VTI1A: variants seen among roughly 807,000 people sequenced by gnomAD.
VTI1A encodes vesicle transport through interaction with t-SNAREs homolog 1A.
VTI1A carries 22 observed loss-of-function variants against 34.9 expected under a neutral mutation model. The observed-to-expected ratio is 0.63, with a 90% CI of 0.45 to 0.90. The LOEUF is 0.90. Ranked by LOEUF, VTI1A falls within the 40% of genes least tolerant of loss-of-function variation. The probability of loss-of-function intolerance (pLI) is 0.00; values close to 1 mark genes in which losing one functional copy is unlikely to be tolerated. For synonymous variants in VTI1A, 87 were observed against 97.3 expected (o/e 0.89, Z 0.62); for missense variants, 268 against 275.6 (o/e 0.97, Z 0.20).
chr10:112,520,216 GACA>G lies in VTI1A; in HGVS notation c.265-6864_265-6862del, dbSNP rs1368509093. Among the ~76,000 whole-genome samples, 14 of 152,128 alleles carry G rather than the reference GACA, an allele frequency of 9.2e-5. No individual in the cohort carries two copies. In the Middle Eastern group the frequency reaches 0.01, roughly 111 times the overall value. ...GCATACTTACACTATTCCAGATGCT[GACA>G]ACAACATCTGGGCATTCTATCATGA... On this transcript the variant is annotated intron_variant, in intron 3 of 7. Transcript: ENST00000393077.
intron 5 of VTI1A, among the ~76,000 whole-genome samples, chr10:112,641,860 T>A (rs1266382162): frequency 6.6e-6 from 1 of 152,158 alleles, no homozygotes; most frequent in Non-Finnish European, 1.5e-5. Context: ...ACTCCTGCAC[T>A]TGCGCTTGTC....
chr10:112,778,077 G>A (rs1852003812), intron 7 of VTI1A, among the ~76,000 whole-genome samples: 1 of 152,072 alleles, frequency 6.6e-6, no homozygotes, highest in East Asian at 1.9e-4. Flanking sequence ...ACTCCACCCT[G>A]GGCAACAAGA....
chr10:112,684,037 C>T (rs141598646), intron 7 of VTI1A, among the ~76,000 whole-genome samples: 7 of 147,706 alleles, frequency 4.7e-5, no homozygotes, highest in Admixed American at 2.0e-4. Flanking sequence ...AGCAAGACTC[C>T]GTGTCAAAAA....
At chr10:112,763,329 A>G (rs1851539030) in intron 7 of VTI1A, among the ~76,000 whole-genome samples, 1 of 151,716 alleles carries the variant, frequency 6.6e-6, no homozygotes, top group South Asian at 2.1e-4. Context: ...AGTCCCAGCT[A>G]CTCGGGAGGC....
chr10:112,611,737 A>ATTTTTTTTTTTTTTTTTCT (rs1845317077), intron 5 of VTI1A, among the ~76,000 whole-genome samples: 1 of 100,856 alleles, frequency 9.9e-6, no homozygotes, highest in African/African-American at 4.5e-5. Flanking sequence ...GAGAAAGGTA[A>ATTTTTTTTTTTTTTTTTCT]TTTTTTTTTT....
intron 1 of VTI1A, among the ~76,000 whole-genome samples, chr10:112,459,230 C>CTA (rs1161670738): frequency 2.0e-5 from 3 of 152,164 alleles, no homozygotes; most frequent in African/African-American, 2.4e-5. Context: ...CAGGAACTAA[C>CTA]TATATCTCTC....
At chr10:112,584,986 T>C (rs1258072110) in intron 5 of VTI1A, among the ~76,000 whole-genome samples, 1 of 152,234 alleles carries the variant, frequency 6.6e-6, no homozygotes, top group African/African-American at 2.4e-5. Context: ...GTCAGAAGAC[T>C]CTGGAATCTT....
chr10:112,659,085 T>G (rs952408244), intron 5 of VTI1A, among the ~76,000 whole-genome samples: 6 of 152,232 alleles, frequency 3.9e-5, no homozygotes, highest in African/African-American at 7.2e-5. Flanking sequence ...CCTTTCTAAT[T>G]ACTTTCTAAT....
intron 3 of VTI1A, among the ~76,000 whole-genome samples, chr10:112,491,708 A>G (rs1848830608): frequency 6.6e-6 from 1 of 152,138 alleles, no homozygotes; most frequent in African/African-American, 2.4e-5. Flanking sequence ...AGAGTCCAAT[A>G]TATGTTTTAC....
chr10:112,616,153 A>G (rs900634203), intron 5 of VTI1A, among the ~76,000 whole-genome samples: 3 of 152,192 alleles, frequency 2.0e-5, no homozygotes, highest in African/African-American at 7.2e-5. Context: ...AGAAAGAGAG[A>G]AGCAGTGGGT....
intron 5 of VTI1A, among the ~76,000 whole-genome samples, chr10:112,650,640 T>C (rs982040617): frequency 2.0e-5 from 3 of 152,190 alleles, no homozygotes; most frequent in Admixed American, 2.0e-4. Context: ...TACACCAGCA[T>C]CACCACAAAC....
At chr10:112,472,648 C>G (rs1848132763) in intron 3 of VTI1A, among the ~76,000 whole-genome samples, 1 of 149,658 alleles carries the variant, frequency 6.7e-6, no homozygotes, top group Non-Finnish European at 1.5e-5. Context: ...TACATTTTAT[C>G]TTTTCTGTAC....
chr10:112,622,736 T>C (rs1174429608), intron 5 of VTI1A, among the ~76,000 whole-genome samples: 4 of 152,222 alleles, frequency 2.6e-5, no homozygotes, highest in African/African-American at 9.6e-5. Flanking sequence ...TTTGTCCAAA[T>C]AGCTATACTT....
chr10:112,512,974 T>C (rs1849662955), intron 3 of VTI1A, among the ~76,000 whole-genome samples: 2 of 152,170 alleles, frequency 1.3e-5, no homozygotes, highest in South Asian at 2.1e-4. Context: ...GATAATGTAA[T>C]GCCTCTAGCT....
intron 5 of VTI1A, among the ~76,000 whole-genome samples, chr10:112,641,678 C>T (rs1156996571): frequency 6.6e-6 from 1 of 152,208 alleles, no homozygotes; most frequent in Non-Finnish European, 1.5e-5. Flanking sequence ...CCTGTCCCTT[C>T]CAAATGTTCC....
intron 5 of VTI1A, among the ~76,000 whole-genome samples, chr10:112,540,766 T>C (rs1850836049): frequency 6.6e-6 from 1 of 152,250 alleles, no homozygotes; most frequent in Non-Finnish European, 1.5e-5. Context: ...TTAGGATACT[T>C]ACCATTTGTT....
At chr10:112,557,994 A>C (rs957780079) in intron 5 of VTI1A, among the ~76,000 whole-genome samples, 2 of 152,222 alleles carry the variant, frequency 1.3e-5, no homozygotes, top group African/African-American at 4.8e-5. Flanking sequence ...CGTGGTTTGA[A>C]AGGGCTTCCT....
intron 5 of VTI1A, among the ~76,000 whole-genome samples, chr10:112,621,201 G>A (rs1452971698): frequency 3.3e-5 from 5 of 152,174 alleles, no homozygotes; most frequent in Admixed American, 6.5e-5. Flanking sequence ...AGAAGGAGGC[G>A]TTCCACCAAA....
chr10:112,447,649 G>A (rs1846943452), intron 1 of VTI1A, among the ~76,000 whole-genome samples, 182 bp downstream of exon 1: 1 of 152,164 alleles, frequency 6.6e-6, no homozygotes, highest in Non-Finnish European at 1.5e-5. Context: ...GGTGTGGGGT[G>A]CCGTGAAAAG....
Sources: gnomAD v4.1 joint callset for allele counts (sites outside exome capture counted in the v4.1 genomes callset) on GRCh38, gnomAD v4.1.1 for gene constraint, MANE v1.5 for transcripts, NCBI Gene and HGNC (gene_info 2026-07-23, HGNC 2026-07-21) for gene names.